The following MGAM variants were observed in gnomAD, a reference collection of about 807,000 sequenced individuals.
MGAM encodes the protein maltase-glucoamylase.
MGAM carries 253 observed loss-of-function variants against 358.8 expected under a neutral mutation model. The observed-to-expected ratio is 0.71, with a 90% CI of 0.64 to 0.78. The LOEUF (loss-of-function observed/expected upper bound fraction) is 0.78, where lower values mean the gene tolerates loss of function less well. Ranked by LOEUF, MGAM falls within the 30% of genes least tolerant of loss-of-function variation. MGAM has a pLI of 0.00. For missense variants in MGAM, 3,080 were observed against 3,432.6 expected, an observed-to-expected ratio of 0.90 and a Z score of 2.57; for synonymous variants, 1,105 against 1,227.1, an observed-to-expected ratio of 0.90 and a Z score of 2.08.
intron 67 of MGAM, among the ~76,000 whole-genome samples, 173 bp downstream of exon 67, chr7:142,099,910 G>T (rs781173337): frequency 1.3e-5 from 2 of 151,930 alleles, no homozygotes; most frequent in African/African-American, 2.4e-5. Context: ...TATACTCTTC[G>T]ACTAATTATT....
chr7:142,045,323 G>C (rs1478409104), intron 21 of MGAM, among the ~76,000 whole-genome samples: 4 of 101,362 alleles, frequency 3.9e-5, no homozygotes, highest in Non-Finnish European at 7.2e-5. Context: ...TATAATATAT[G>C]ATATATAATA....
chr7:142,084,778 AC>A, intron 54 of MGAM, 134 bp downstream of exon 54: 1 of 1,219,562 alleles, frequency 8.2e-7, no homozygotes, highest in Non-Finnish European at 1.1e-6. Flanking sequence ...AGTTAGCCTC[AC>A]CCCAGCACAG....
intron 4 of MGAM, among the ~76,000 whole-genome samples, chr7:142,020,037 C>T (rs1240959503): frequency 9.9e-5 from 15 of 151,060 alleles, no homozygotes; most frequent in African/African-American, 3.4e-4. Flanking sequence ...CCACTTCGCT[C>T]CAGCCTGGGT....
Position 142,071,834 on chromosome 7 carries a change from A to C in MGAM, c.5186+716A>C, listed in dbSNP as rs545012807. ...TGTCACTGAATTTTGCTTTATACGT[A>C]ATTGATTCCAAAATTATAGATTCCA... On this transcript the variant is annotated intron_variant, in intron 44 of 70. Coordinates refer to ENST00000475668, the MANE Select transcript of MGAM (RefSeq NM_001365693.1). Among the ~76,000 whole-genome samples, 7 of 146,162 alleles carry C rather than the reference A, an allele frequency of 4.8e-5. 3 individuals carry two copies. Among genetic ancestry groups the C allele is most frequent in the Admixed American group, 1.4e-4 (2 of 14,502 alleles).
chr7:142,032,881 C>G lies in MGAM; in HGVS notation c.1641C>G (p.Asn547Lys), dbSNP rs1306671169. 1.9e-6 allele frequency: 3 copies of G among 1,610,650 alleles called. No homozygotes were observed. Among genetic ancestry groups the G allele is most frequent in the Non-Finnish European group, 2.5e-6 (3 of 1,178,186 alleles). The change falls in exon 14 of 71, where the codon AAC becomes AAG. Residue 547 changes from asparagine (N) to lysine (K), a missense_variant. This residue lies in a region of MGAM where 1,816 missense variants were observed against 1,840.5 expected (regional missense o/e 0.99). Coordinates refer to ENST00000475668, the MANE Select transcript of MGAM (RefSeq NM_001365693.1). ...VDGSVSGCSTNNLNNPPFTPR... is the reference protein window; with the variant it reads ...VDGSVSGCSTKNLNNPPFTPR... ...GTTCGGTCTCAGGATGTTCCACAAACAACCTAAATAATCCCCCATTCACTC... is the reference window on the plus strand; with the variant it reads ...GTTCGGTCTCAGGATGTTCCACAAAGAACCTAAATAATCCCCCATTCACTC...
chr7:142,055,024 T>C, intron 27 of MGAM, 116 bp downstream of exon 27: 9 of 1,146,628 alleles, frequency 7.8e-6, no homozygotes, highest in South Asian at 1.6e-5. Context: ...TCCAGATCCA[T>C]GGATGAGTTG....
chr7:141,987,611 G>T (rs549751690), intron 2 of MGAM, among the ~76,000 whole-genome samples: 5 of 151,996 alleles, frequency 3.3e-5, no homozygotes, highest in Middle Eastern at 3.4e-3. Context: ...GGGGCATGGA[G>T]GAAATAATGG....
Position 142,096,413 on chromosome 7 carries a change from C to T in MGAM, c.7690C>T (p.Arg2564Cys), listed in dbSNP as rs750406655. The change falls in exon 65 of 71, where the codon CGT (arginine) becomes TGT (cysteine). Residue 2564 changes from arginine (R) to cysteine (C), a missense_variant and splice_region_variant. This residue lies in a region of MGAM where 932 missense variants were observed against 1,198.2 expected (regional missense o/e 0.78). Coordinates refer to ENST00000475668, the MANE Select transcript of MGAM (RefSeq NM_001365693.1). ...PAFLVSPVLE[R>C]NARNVTAYFP... ...CTTCCTGGTCAGCCCTGTCCTGGAGCGTGTGAGTATGGAGGCCTCCGATGA... is the reference window on the plus strand; with the variant it reads ...CTTCCTGGTCAGCCCTGTCCTGGAGTGTGTGAGTATGGAGGCCTCCGATGA... 43 of 1,613,636 alleles carry T rather than the reference C, an allele frequency of 2.7e-5. No homozygotes were observed. The highest frequency in any genetic ancestry group is 8.8e-5 in the South Asian group (8 of 91,054).
Position 142,050,823 on chromosome 7 carries a change from A to G in MGAM, c.2764A>G (p.Ser922Gly), listed in dbSNP as rs1810878432. Residue 922 changes from serine (S) to glycine (G), a missense_variant, in exon 24 of 71, where the codon AGT (serine) becomes GGT (glycine). Physicochemically the swap from Ser to Gly is moderately conservative, Grantham distance 56 (BLOSUM62 0). This residue lies in a region of MGAM where 1,816 missense variants were observed against 1,840.5 expected (regional missense o/e 0.99). Coordinates refer to ENST00000475668, the MANE Select transcript of MGAM (RefSeq NM_001365693.1). ...TACAGTGAAACACAATGGTGTCCCA[A>G]GTCAGACTTCTCCTACAGTCACTTA... ...NVTVKHNGVP[S>G]QTSPTVTYDS... 5 of 1,613,780 alleles carry G rather than the reference A, an allele frequency of 3.1e-6. No individual in the cohort carries two copies. The highest frequency in any genetic ancestry group is 2.5e-6 in the Non-Finnish European group (3 of 1,179,706).
intron 3 of MGAM, among the ~76,000 whole-genome samples, chr7:142,013,282 G>A (rs993562179): frequency 4.4e-4 from 67 of 152,030 alleles, no homozygotes; most frequent in African/African-American, 1.5e-3. Flanking sequence ...GGTCTAATGC[G>A]AATTGTGAGG....
chr7:142,038,452 A>G (rs575170561), intron 18 of MGAM, 79 bp from the exon 19 acceptor site: 3 of 1,099,854 alleles, frequency 2.7e-6, no homozygotes, highest in Admixed American at 4.5e-5. Context: ...TGCTTTCAAC[A>G]GGTTGTGTGT....
At chr7:142,094,888 G>A in intron 63 of MGAM, 25 bp downstream of exon 63, 1 of 1,606,368 alleles carries the variant, frequency 6.2e-7, no homozygotes, top group Non-Finnish European at 8.5e-7. Flanking sequence ...CCTACCTCCA[G>A]TGTTTCACTT....
chr7:142,030,421 AGT>A lies in MGAM; in HGVS notation c.1283_1284del (p.Val428GlyfsTer3). On this transcript the variant is annotated frameshift_variant, in exon 11 of 71. Coordinates refer to ENST00000475668, the MANE Select transcript of MGAM (RefSeq NM_001365693.1). LOFTEE classifies it high-confidence loss of function. The stretch of plus-strand genomic sequence containing the variant: ...AGAGAAGGGACTTCACTTATGATTC[AGT>A]GGATTTTAAAGGCTTCCCTGAATTT... ...DERRDFTYDSVDFKGFPEFVN... is the reference protein window; with the variant it reads ...DERRDFTYDSXDFKGFPEFVN... 1 of 1,613,606 alleles carries A rather than the reference AGT, an allele frequency of 6.2e-7. No homozygotes were observed. The highest frequency in any genetic ancestry group is 1.3e-5 in the African/African-American group (1 of 75,016).
At chr7:142,098,518 A>G (rs1816152299) in intron 66 of MGAM, among the ~76,000 whole-genome samples, 1 of 152,110 alleles carries the variant, frequency 6.6e-6, no homozygotes, top group South Asian at 2.1e-4. Flanking sequence ...GATTGCAGTG[A>G]GATTAGGTGA....
rs761820077 is a variant in MGAM at position 142,065,501 on chromosome 7, C to T, written c.4618+33C>T. On this transcript the variant is annotated intron_variant, in intron 38 of 70. Coordinates refer to ENST00000475668, the MANE Select transcript of MGAM (RefSeq NM_001365693.1). ...GGTCCTTCCCCAGGGCCTTTGCCGA[C>T]AGGGCAGGGAGTTGGGATCCTTAGG... 161 of 1,613,688 alleles carry T rather than the reference C, an allele frequency of 1.0e-4. 2 individuals are homozygous for T. The highest frequency in any genetic ancestry group is 5.4e-4 in the South Asian group (49 of 91,062).
chr7:142,016,999 A>G (rs1806025011), intron 3 of MGAM, among the ~76,000 whole-genome samples: 1 of 152,248 alleles, frequency 6.6e-6, no homozygotes, highest in Non-Finnish European at 1.5e-5. Flanking sequence ...CTTTAAATGT[A>G]ATCTGACTAT....
In MGAM at chr7:142,030,287, T is replaced by C. The variant is rs530523519; in HGVS notation, c.1222-75T>C. ...GAACAGAGTTGTTTATCCTGAATAA[T>C]AACAGTGAAAATTTGATTTCATTTT... On this transcript the variant is annotated intron_variant, in intron 10 of 70. Transcript: ENST00000475668. 2.0e-6 allele frequency: 3 copies of C among 1,470,132 alleles called. No homozygotes were observed. The African/African-American group carries it at 4.2e-5, about 20-fold the overall frequency. 91.1% of individuals were successfully genotyped at this position (1,470,132 alleles called of 1,614,324 possible).
chr7:142,060,102 C>T (rs1247131094), intron 33 of MGAM, 136 bp downstream of exon 33: 30 of 1,268,490 alleles, frequency 2.4e-5, no homozygotes, highest in Non-Finnish European at 2.5e-5. Flanking sequence ...CAGAAGCTCT[C>T]CTTTTCTCAA....
At chr7:142,032,126 AT>A (rs1807561037) in intron 13 of MGAM, among the ~76,000 whole-genome samples, 1 of 150,654 alleles carries the variant, frequency 6.6e-6, no homozygotes, top group Non-Finnish European at 1.5e-5. Context: ...AAATTGTTCA[AT>A]TGCTAGTTGA....
Sources: gnomAD v4.1 joint callset for allele counts (sites outside exome capture counted in the v4.1 genomes callset) on GRCh38, gnomAD v4.1.1 for gene constraint, gnomAD v4.1.1 regional missense constraint, MANE v1.5 for transcripts, NCBI Gene and HGNC (gene_info 2026-07-23, HGNC 2026-07-21) for gene names.